METTL24: variants seen among roughly 807,000 people sequenced by gnomAD.
METTL24 encodes the protein probable methyltransferase-like protein 24.
A neutral mutation model predicts 32.7 loss-of-function variants in METTL24; 29 were observed. The observed-to-expected ratio is 0.89, with a 90% CI of 0.66 to 1.21. METTL24 has a LOEUF of 1.21. METTL24 is among the 50% of genes most tolerant of loss of function. The probability of loss-of-function intolerance (pLI) is 0.00; values close to 1 mark genes in which losing one functional copy is unlikely to be tolerated. For synonymous variants in METTL24, 163 were observed against 179.5 expected, an observed-to-expected ratio of 0.91 and a Z score of 0.73; for missense variants, 439 against 468.1, an observed-to-expected ratio of 0.94 and a Z score of 0.57.
intron 1 of METTL24, among the ~76,000 whole-genome samples, chr6:110,327,370 A>G (rs184539374): frequency 1.8e-4 from 28 of 152,360 alleles, no homozygotes; most frequent in Admixed American, 1.5e-3. Flanking sequence ...AATGATCTTA[A>G]GGGTCCACAA....
chr6:110,278,039 T>C (rs1771076815), intron 4 of METTL24, among the ~76,000 whole-genome samples: 1 of 152,176 alleles, frequency 6.6e-6, no homozygotes, highest in Non-Finnish European at 1.5e-5. Context: ...GAGAGGCATA[T>C]TGAAAGTGCC....
chr6:110,245,007 A>C lies in METTL24; in HGVS notation c.*939T>G, dbSNP rs1166771476. ...CTATCTATCTATCTATCTATCATCT[A>C]TCTATTTATCTACCTACCTACCTAC... On this transcript the variant is annotated 3_prime_UTR_variant, in exon 5 of 5. Coordinates refer to ENST00000338882, the MANE Select transcript of METTL24 (RefSeq NM_001123364.3). Among the ~76,000 whole-genome samples, 1 of 149,446 alleles carries C rather than the reference A, an allele frequency of 6.7e-6. No homozygotes were observed. The highest frequency in any genetic ancestry group is 1.5e-5 in the Non-Finnish European group (1 of 67,156).
intron 4 of METTL24, among the ~76,000 whole-genome samples, chr6:110,295,839 A>T (rs138889582): frequency 1.1e-4 from 16 of 149,284 alleles, no homozygotes; most frequent in African/African-American, 2.4e-4. Context: ...GGAAGGAAGG[A>T]AGGTTCTCTA....
At chr6:110,260,664 C>G (rs1304022657) in intron 4 of METTL24, among the ~76,000 whole-genome samples, 1 of 152,148 alleles carries the variant, frequency 6.6e-6, no homozygotes, top group African/African-American at 2.4e-5. Context: ...ACATAATCGT[C>G]AGATTCACCA....
intron 1 of METTL24, among the ~76,000 whole-genome samples, chr6:110,324,284 C>T (rs1380418834): frequency 6.6e-6 from 1 of 152,176 alleles, no homozygotes; most frequent in East Asian, 1.9e-4. Context: ...ATCCCCACAG[C>T]CTGTACTACC....
intron 4 of METTL24, among the ~76,000 whole-genome samples, chr6:110,250,825 C>T (rs1778264049): frequency 6.6e-6 from 1 of 152,196 alleles, no homozygotes; most frequent in Non-Finnish European, 1.5e-5. Flanking sequence ...TACTTCATGC[C>T]TTGGTTCCTT....
intron 1 of METTL24, among the ~76,000 whole-genome samples, chr6:110,348,787 T>C (rs1039457388): frequency 6.6e-6 from 1 of 152,250 alleles, no homozygotes; most frequent in African/African-American, 2.4e-5. Flanking sequence ...CATGGCTTTA[T>C]TTATTCAAAT....
intron 1 of METTL24, among the ~76,000 whole-genome samples, chr6:110,354,995 G>A (rs985797607): frequency 6.6e-6 from 1 of 152,186 alleles, no homozygotes; most frequent in Non-Finnish European, 1.5e-5. Context: ...TGAATAGGCT[G>A]AAATAGTAAG....
At chr6:110,329,037 T>G (rs1248218611) in intron 1 of METTL24, among the ~76,000 whole-genome samples, 4 of 152,242 alleles carry the variant, frequency 2.6e-5, no homozygotes, top group Non-Finnish European at 5.9e-5. Flanking sequence ...CATTCCTCTG[T>G]GTTTCAAGGC....
Position 110,244,970 on chromosome 6 carries a change from T to TTATCGATCTATCTATC in METTL24, c.*975_*976insGATAGATAGATCGATA, listed in dbSNP as rs1778123848. Among the ~76,000 whole-genome samples the TTATCGATCTATCTATC allele has an allele frequency of 6.7e-6, 1 of 149,966 alleles. No homozygotes were observed. Among genetic ancestry groups the TTATCGATCTATCTATC allele is most frequent in the African/African-American group, 2.5e-5 (1 of 40,280 alleles). On this transcript the variant is annotated 3_prime_UTR_variant, in exon 5 of 5. Transcript: ENST00000338882. Reference sequence around the variant, plus strand: ...AAACATGCCAGTAGGAAAATCTATCTTATCTATCTATCTATCTATCTATCT... The same window carrying TTATCGATCTATCTATC: ...AAACATGCCAGTAGGAAAATCTATCTTATCGATCTATCTATCTATCTATCTATCTATCTATCTATCT...
intron 4 of METTL24, among the ~76,000 whole-genome samples, chr6:110,283,769 G>C (rs1185144878): frequency 2.6e-5 from 4 of 152,096 alleles, no homozygotes; most frequent in Non-Finnish European, 5.9e-5. Context: ...AGTTATGGTG[G>C]TTCCTCAAAA....
chr6:110,295,954 T>C (rs1457721352), intron 4 of METTL24, among the ~76,000 whole-genome samples: 3 of 152,196 alleles, frequency 2.0e-5, no homozygotes, highest in African/African-American at 7.2e-5. Context: ...CACTATGTTC[T>C]CAGACCTACT....
intron 1 of METTL24, among the ~76,000 whole-genome samples, chr6:110,333,011 CTCTG>C (rs953419496): frequency 6.6e-6 from 1 of 152,084 alleles, no homozygotes; most frequent in Non-Finnish European, 1.5e-5. Context: ...CTCTTCTTGT[CTCTG>C]TCTGTCTCTC....
intron 3 of METTL24, among the ~76,000 whole-genome samples, chr6:110,311,468 G>GTTTTTTTTTTTTT (rs1051868507): frequency 7.3e-5 from 7 of 96,152 alleles, no homozygotes; most frequent in Non-Finnish European, 1.2e-4. Flanking sequence ...TTCTTTCTTT[G>GTTTTTTTTTTTTT]TTTTTTTTTT....
At chr6:110,272,593 A>G (rs1344581922) in intron 4 of METTL24, among the ~76,000 whole-genome samples, 1 of 152,198 alleles carries the variant, frequency 6.6e-6, no homozygotes, top group Admixed American at 6.5e-5. Context: ...CTAGCAGTGT[A>G]AAGTGTTCCC....
At chr6:110,306,779 A>T (rs145645687) in intron 3 of METTL24, among the ~76,000 whole-genome samples, 1 of 152,350 alleles carries the variant, frequency 6.6e-6, no homozygotes, top group Non-Finnish European at 1.5e-5. Flanking sequence ...TAATATGCAC[A>T]GGTGTTACAA....
chr6:110,258,789 T>TACACACACACAC (rs146964745), intron 4 of METTL24, among the ~76,000 whole-genome samples: 110 of 145,886 alleles, frequency 7.5e-4, no homozygotes, highest in African/African-American at 2.7e-3. Context: ...TAGATGCATT[T>TACACACACACAC]ACACACACAC....
intron 4 of METTL24, among the ~76,000 whole-genome samples, chr6:110,272,619 C>T (rs754651437): frequency 1.5e-4 from 23 of 152,258 alleles, no homozygotes; most frequent in African/African-American, 4.8e-4. Flanking sequence ...ACCACATTCA[C>T]GCCAACATCT....
At chr6:110,331,460 G>A (rs938358065) in intron 1 of METTL24, among the ~76,000 whole-genome samples, 3 of 151,872 alleles carry the variant, frequency 2.0e-5, no homozygotes, top group Non-Finnish European at 2.9e-5. Context: ...GGAGTTCAAG[G>A]CCAGCCTGGG....
Sources: allele counts gnomAD v4.1 joint callset (sites outside exome capture counted in the v4.1 genomes callset), GRCh38; gene constraint gnomAD v4.1.1; transcripts MANE v1.5; gene names NCBI Gene and HGNC (gene_info 2026-07-23, HGNC 2026-07-21).